PCDHA5: variants seen among roughly 807,000 people sequenced by gnomAD.
PCDHA5 encodes protocadherin alpha 5.
Under a neutral mutation model 61.6 loss-of-function variants are expected in PCDHA5, and 43 were observed. That is an observed-to-expected ratio of 0.70 (90% CI 0.55 to 0.90). The LOEUF is 0.90. Ranked by LOEUF, PCDHA5 falls within the 40% of genes least tolerant of loss-of-function variation. PCDHA5 has a pLI of 0.00. For synonymous variants in PCDHA5, 627 were observed against 543.9 expected, an observed-to-expected ratio of 1.15 and a Z score of -2.13; for missense variants, 1,298 against 1,222.7, an observed-to-expected ratio of 1.06 and a Z score of -0.92.
At chr5:140,851,277 A>G in intron 1 of PCDHA5, 1 of 1,055,352 alleles carries the variant, frequency 9.5e-7, no homozygotes, top group East Asian at 4.9e-5. Context: ...TGTATTGTTT[A>G]TAAGAAACCC....
intron 1 of PCDHA5, chr5:140,849,831 G>A (rs2041164266): frequency 6.3e-7 from 1 of 1,598,450 alleles, no homozygotes; most frequent in African/African-American, 1.3e-5. Context: ...TGTGGAGGTG[G>A]CCGACGTGAA....
chr5:140,952,327 A>G (rs1407008388), intron 1 of PCDHA5, among the ~76,000 whole-genome samples: 2 of 134,678 alleles, frequency 1.5e-5, no homozygotes, highest in Non-Finnish European at 1.6e-5. Flanking sequence ...AACAAGAGTG[A>G]AACTCCATCT....
intron 1 of PCDHA5, chr5:140,882,650 G>A (rs782695823): frequency 8.1e-6 from 13 of 1,614,212 alleles, no homozygotes; most frequent in Non-Finnish European, 8.5e-6. Context: ...GGACATTAAC[G>A]ACAACCCGCC....
chr5:140,994,052 C>T (rs2097593082), intron 3 of PCDHA5, among the ~76,000 whole-genome samples: 1 of 152,134 alleles, frequency 6.6e-6, no homozygotes, highest in African/African-American at 2.4e-5. Context: ...CAGTCCTGCC[C>T]TTATAAATCT....
rs373714901 is a variant in PCDHA5, at chr5:140,898,150, G to T, written c.2352+74023G>T. 6.9e-3 allele frequency among the ~76,000 whole-genome samples: 1,047 copies of T among 152,166 alleles called. 8 individuals are homozygous for T. The highest frequency in any genetic ancestry group is 0.024 in the African/African-American group (1,013 of 41,482). ...CCCATTTTGTAGGTTGCCTGTTCAC[G>T]CTGATGGTGGTTTCTTTTGCTGTGC... On this transcript the variant is annotated intron_variant, in intron 1 of 3. Transcript: ENST00000529859.
chr5:140,990,157 T>C (rs113813870), intron 3 of PCDHA5, among the ~76,000 whole-genome samples: 6 of 152,050 alleles, frequency 3.9e-5, no homozygotes, highest in African/African-American at 1.2e-4. Flanking sequence ...AATAGAAAGT[T>C]AGGGTATGAA....
At chr5:140,836,174 T>A in intron 1 of PCDHA5, 3 of 1,613,798 alleles carry the variant, frequency 1.9e-6, no homozygotes, top group Non-Finnish European at 2.5e-6. Context: ...TACGTGCAGT[T>A]GACGCTGACT....
At chr5:140,976,007 A>G (rs546477565) in intron 1 of PCDHA5, among the ~76,000 whole-genome samples, 55 of 152,354 alleles carry the variant, frequency 3.6e-4, no homozygotes, top group African/African-American at 1.3e-3. Flanking sequence ...TAAGTATTAA[A>G]GAACTAAATA....
intron 1 of PCDHA5, chr5:140,856,104 T>C: frequency 6.3e-7 from 1 of 1,597,888 alleles, no homozygotes; most frequent in Non-Finnish European, 8.6e-7. Context: ...TCGCTTCTTC[T>C]CCTCGCAGCC....
At chr5:140,920,812 C>T (rs575249440) in intron 1 of PCDHA5, among the ~76,000 whole-genome samples, 126 of 151,392 alleles carry the variant, frequency 8.3e-4, no homozygotes, top group Admixed American at 2.4e-3. Flanking sequence ...CCACTGCACT[C>T]CAGCCTGGCG....
intron 1 of PCDHA5, among the ~76,000 whole-genome samples, chr5:140,924,152 C>A (rs1163487854): frequency 6.6e-6 from 1 of 152,176 alleles, no homozygotes. Flanking sequence ...TGAAGAAATG[C>A]ACATCCTAAT....
In PCDHA5 at chr5:140,843,150, A is replaced by T; in HGVS notation, c.2352+19023A>T. Reference sequence around the variant, plus strand: ...GGCTACAACGCGTGGCTTTCGTATGAGCTGCAGCCAGCTGCAAGCAGCCCT... The same window carrying T: ...GGCTACAACGCGTGGCTTTCGTATGTGCTGCAGCCAGCTGCAAGCAGCCCT... On this transcript the variant is annotated intron_variant, in intron 1 of 3. Transcript: ENST00000529859. 1.3e-6 allele frequency: 2 copies of T among 1,595,990 alleles called. 1 individual carries two copies. Among genetic ancestry groups the T allele is most frequent in the Non-Finnish European group, 1.7e-6 (2 of 1,165,576 alleles).
chr5:140,836,375 C>G lies in PCDHA5; in HGVS notation c.2352+12248C>G, dbSNP rs2150258961. 15 of 1,613,594 alleles carry G rather than the reference C, an allele frequency of 9.3e-6. No individual in the cohort carries two copies. In the African/African-American group the frequency reaches 1.2e-4, roughly 13 times the overall value. Reference sequence around the variant, plus strand: ...AGCCCTCGCTGACAGCCACAGCCACCGTGCTGGTGTCGCTGGTGGAAAGCG... The same window carrying G: ...AGCCCTCGCTGACAGCCACAGCCACGGTGCTGGTGTCGCTGGTGGAAAGCG... On this transcript the variant is annotated intron_variant, in intron 1 of 3. Coordinates refer to ENST00000529859, the MANE Select transcript of PCDHA5 (RefSeq NM_018908.3).
intron 1 of PCDHA5, among the ~76,000 whole-genome samples, chr5:140,925,821 T>C (rs1381036851): frequency 1.3e-5 from 2 of 152,136 alleles, no homozygotes; most frequent in African/African-American, 4.8e-5. Context: ...CACGTCTTCT[T>C]TGGGGACGGG....
chr5:140,822,269 C>T lies in PCDHA5; in HGVS notation c.494C>T (p.Ala165Val). 1.2e-6 allele frequency: 2 copies of T among 1,614,196 alleles called. No homozygotes were observed. Among genetic ancestry groups the T allele is most frequent in the Non-Finnish European group, 1.7e-6 (2 of 1,180,036 alleles). ...TCGGATTTGGATATTGGAGCAAATG[C>T]ACAATTGAGATACAGGTTAAATCCA... ...GASDLDIGANAQLRYRLNPNE... is the reference protein window; with the variant it reads ...GASDLDIGANVQLRYRLNPNE... Residue 165 changes from alanine (A) to valine (V), a missense_variant, in exon 1 of 4, where the codon GCA becomes GTA. Transcript: ENST00000529859.
At chr5:140,973,980 A>G (rs1554235707) in intron 1 of PCDHA5, among the ~76,000 whole-genome samples, 1 of 152,248 alleles carries the variant, frequency 6.6e-6, no homozygotes, top group African/African-American at 2.4e-5. Flanking sequence ...TGGCTTTTAC[A>G]GAACTTCACC....
chr5:140,842,799 C>T lies in PCDHA5; in HGVS notation c.2352+18672C>T, dbSNP rs2150344737. ...CAGGAGAACGCGCTGGTGTCCTACT[C>T]GCTTGTGGAGCGGCGGGTGGGCGAG... On this transcript the variant is annotated intron_variant, in intron 1 of 3. Coordinates refer to ENST00000529859, the MANE Select transcript of PCDHA5 (RefSeq NM_018908.3). 1.6e-5 allele frequency: 25 copies of T among 1,594,312 alleles called. 3 individuals carry two copies. Among genetic ancestry groups the T allele is most frequent in the Non-Finnish European group, 1.7e-5 (20 of 1,165,456 alleles).
At chr5:140,857,677 T>A (rs377237803) in intron 1 of PCDHA5, 6 of 1,596,766 alleles carry the variant, frequency 3.8e-6, no homozygotes, top group Non-Finnish European at 4.3e-6. Flanking sequence ...GCGTGCCGCC[T>A]CTGGGCAGCA....
chr5:140,967,769 G>A (rs1213232834), intron 1 of PCDHA5: 1 of 1,614,104 alleles, frequency 6.2e-7, no homozygotes, highest in Non-Finnish European at 8.5e-7. Flanking sequence ...CCAGATCTAT[G>A]TGCAGGCGAC....
Sources: gnomAD v4.1 joint callset for allele counts (sites outside exome capture counted in the v4.1 genomes callset) on GRCh38, gnomAD v4.1.1 for gene constraint, MANE v1.5 for transcripts, NCBI Gene and HGNC (gene_info 2026-07-23, HGNC 2026-07-21) for gene names.